The following ASAP1 variants were observed in gnomAD, a reference collection of about 807,000 sequenced individuals.
ASAP1 encodes the protein arf-GAP with SH3 domain, ANK repeat and PH domain-containing protein 1.
ASAP1 carries 43 observed loss-of-function variants against 145.2 expected under a neutral mutation model. The observed-to-expected ratio is 0.30, with a 90% confidence interval of 0.23 to 0.38. The LOEUF (loss-of-function observed/expected upper bound fraction) is 0.38, where lower values mean the gene tolerates loss of function less well. Ranked by LOEUF, ASAP1 falls within the 10% of genes least tolerant of loss-of-function variation. The pLI, the probability that ASAP1 is intolerant of heterozygous loss-of-function variation, is 1.00. For synonymous variants in ASAP1, 546 were observed against 515.5 expected (o/e 1.06, Z -0.80); for missense variants, 1,018 against 1,355.3 (o/e 0.75, Z 3.91).
chr8:130,425,021 A>AAATAAAT (rs1221501151), intron 1 of ASAP1, among the ~76,000 whole-genome samples: 6 of 149,606 alleles, frequency 4.0e-5, no homozygotes, highest in African/African-American at 1.2e-4. Context: ...AATAAATAAA[A>AAATAAAT]AAAAGAGTGG....
At chr8:130,339,380 C>T (rs975575045) in intron 3 of ASAP1, among the ~76,000 whole-genome samples, 1 of 152,156 alleles carries the variant, frequency 6.6e-6, no homozygotes, top group Non-Finnish European at 1.5e-5. Context: ...CAGTTTAGGA[C>T]TTTATGGAGA....
chr8:130,304,749 C>T (rs1822889511), intron 3 of ASAP1, among the ~76,000 whole-genome samples: 3 of 152,330 alleles, frequency 2.0e-5, no homozygotes, highest in African/African-American at 7.2e-5. Flanking sequence ...CCTCTTTCCA[C>T]CTCATACTCT....
chr8:130,226,562 G>A (rs1002635662), intron 4 of ASAP1, among the ~76,000 whole-genome samples: 1 of 152,110 alleles, frequency 6.6e-6, no homozygotes. Flanking sequence ...AGGTCATTTT[G>A]ACTTTGGAGT....
At chr8:130,346,971 A>G (rs888657744) in intron 3 of ASAP1, among the ~76,000 whole-genome samples, 2 of 152,232 alleles carry the variant, frequency 1.3e-5, no homozygotes, top group African/African-American at 4.8e-5. Context: ...AACAATGAAG[A>G]CAATTTTATT....
At chr8:130,302,623 G>A (rs1822747373) in intron 3 of ASAP1, among the ~76,000 whole-genome samples, 1 of 152,152 alleles carries the variant, frequency 6.6e-6, no homozygotes, top group South Asian at 2.1e-4. Context: ...ATAGAAAGAA[G>A]GCCAAAGGTG....
intron 23 of ASAP1, 25 bp from the exon 24 acceptor site, chr8:130,112,347 GA>G: frequency 6.2e-7 from 1 of 1,604,868 alleles, no homozygotes; most frequent in Non-Finnish European, 8.5e-7. Flanking sequence ...AAGAAGGTGA[GA>G]TAATAATCAA....
chr8:130,323,028 T>C (rs539566542), intron 3 of ASAP1, among the ~76,000 whole-genome samples: 3 of 152,320 alleles, frequency 2.0e-5, no homozygotes, highest in African/African-American at 4.8e-5. Flanking sequence ...GAATAGGCAA[T>C]GCAATGAAAT....
At chr8:130,272,002 T>A (rs1052616191) in intron 3 of ASAP1, among the ~76,000 whole-genome samples, 1 of 151,902 alleles carries the variant, frequency 6.6e-6, no homozygotes, top group Admixed American at 6.6e-5. Context: ...AAAATAAATT[T>A]AAAAAAAGAC....
chr8:130,438,146 GA>G (rs942384637), intron 1 of ASAP1, among the ~76,000 whole-genome samples: 64 of 152,204 alleles, frequency 4.2e-4, no homozygotes, highest in Non-Finnish European at 7.9e-4. Context: ...AAGGTCTCAA[GA>G]AACCGTCTGT....
Position 130,079,959 on chromosome 8 carries a change from C to T in ASAP1, c.2585G>A (p.Gly862Asp). ...TGTAGTCTTACTTGAAGAGGATGGA[C>T]CCCCATCGTTACCTACAAGGAAAAC... Reference protein sequence around the residue: ...KGAVPWGNDGGPSSSSKTTNK... With the variant: ...KGAVPWGNDGDPSSSSKTTNK... Residue 862 changes from glycine to aspartate, a missense_variant, in exon 26 of 30, where the codon GGT becomes GAT. This residue lies in a region of ASAP1 where 353 missense variants were observed against 375.4 expected (regional missense o/e 0.94). Transcript: ENST00000518721. The T allele has an allele frequency of 6.2e-7, 1 of 1,614,010 alleles. No individual in the cohort carries two copies. The highest frequency in any genetic ancestry group is 8.5e-7 in the Non-Finnish European group (1 of 1,179,908).
At chr8:130,068,057 C>T (rs1465680885) in intron 27 of ASAP1, among the ~76,000 whole-genome samples, 1 of 151,988 alleles carries the variant, frequency 6.6e-6, no homozygotes, top group Non-Finnish European at 1.5e-5. Context: ...CATGTGGTCA[C>T]CCAGGGTATG....
intron 4 of ASAP1, among the ~76,000 whole-genome samples, chr8:130,215,975 AAAAGGAAAGGAAAGG>A (rs201649133): frequency 0.058 from 7,447 of 128,262 alleles, 250 homozygotes; most frequent in Middle Eastern, 0.12. Flanking sequence ...AAGAAAAAGA[AAAAGGAAAGGAAAGG>A]AAAGGAAAGG....
At chr8:130,257,298 C>T (rs1819623143) in intron 3 of ASAP1, among the ~76,000 whole-genome samples, 1 of 152,142 alleles carries the variant, frequency 6.6e-6, no homozygotes, top group Admixed American at 6.6e-5. Context: ...CTCTACTTCT[C>T]AAAAATGAGC....
chr8:130,131,946 T>C (rs2097583840), intron 15 of ASAP1, among the ~76,000 whole-genome samples: 1 of 152,126 alleles, frequency 6.6e-6, no homozygotes, highest in African/African-American at 2.4e-5. Context: ...TAAGAGTAAA[T>C]AAAATATTGA....
intron 3 of ASAP1, among the ~76,000 whole-genome samples, chr8:130,337,577 A>ACC (rs1825113388): frequency 6.6e-6 from 1 of 152,236 alleles, no homozygotes; most frequent in Admixed American, 6.5e-5. Context: ...CCTATCAGGA[A>ACC]ATAAAAGTTG....
intron 1 of ASAP1, among the ~76,000 whole-genome samples, chr8:130,442,241 A>G (rs1830510221): frequency 6.6e-6 from 1 of 152,226 alleles, no homozygotes; most frequent in East Asian, 1.9e-4. Flanking sequence ...CTAACAGATC[A>G]AAATCTAACA....
chr8:130,070,186 G>T (rs372066319), intron 27 of ASAP1, among the ~76,000 whole-genome samples: 6 of 152,138 alleles, frequency 3.9e-5, no homozygotes, highest in Non-Finnish European at 8.8e-5. Context: ...ACAGGCGCCC[G>T]TCACCATGCC....
At chr8:130,112,632 C>G (rs2097548727) in intron 23 of ASAP1, among the ~76,000 whole-genome samples, 1 of 152,224 alleles carries the variant, frequency 6.6e-6, no homozygotes, top group Non-Finnish European at 1.5e-5. Flanking sequence ...CTTCAGAATG[C>G]AGGACTTTTT....
intron 4 of ASAP1, among the ~76,000 whole-genome samples, chr8:130,228,376 G>A (rs1817707206): frequency 1.3e-5 from 2 of 152,102 alleles, no homozygotes; most frequent in African/African-American, 2.4e-5. Context: ...GATGTGCTGG[G>A]TGCTCCAAAA....
Sources: allele counts gnomAD v4.1 joint callset (sites outside exome capture counted in the v4.1 genomes callset), GRCh38; gene constraint gnomAD v4.1.1; regional missense constraint gnomAD v4.1.1; transcripts MANE v1.5; gene names NCBI Gene and HGNC (gene_info 2026-07-23, HGNC 2026-07-21).